Variants in ODF2 observed in about 807,000 individuals in gnomAD.
The protein encoded by ODF2 is outer dense fiber protein 2.
A neutral mutation model predicts 110.2 loss-of-function variants in ODF2; 47 were observed. The ratio of observed to expected loss-of-function variants is 0.43; its 90% CI spans 0.34 to 0.54. The LOEUF is 0.54. Among genes scored for constraint, ODF2 ranks in the 20% least tolerant of loss-of-function variants. The probability of loss-of-function intolerance (pLI) is 0.03; values close to 1 mark genes in which losing one functional copy is unlikely to be tolerated. For synonymous variants in ODF2, 352 were observed against 397.7 expected, an observed-to-expected ratio of 0.89 and a Z score of 1.37; for missense variants, 812 against 1,054.5, an observed-to-expected ratio of 0.77 and a Z score of 3.19.
chr9:128,492,385 C>A, intron 14 of ODF2, 41 bp from the exon 15 acceptor site: 1 of 1,393,464 alleles, frequency 7.2e-7, no homozygotes, highest in Non-Finnish European at 1.0e-6. Flanking sequence ...CCACCTGAAG[C>A]AGAACCTTCC....
chr9:128,466,149 C>CA (rs934730924), intron 4 of ODF2, among the ~76,000 whole-genome samples: 33 of 147,976 alleles, frequency 2.2e-4, no homozygotes, highest in East Asian at 1.0e-3. Context: ...AAAAAAAAAA[C>CA]AAAAAAAACG....
At chr9:128,493,183 A>C (rs1418164434) in intron 16 of ODF2, among the ~76,000 whole-genome samples, 3 of 152,044 alleles carry the variant, frequency 2.0e-5, no homozygotes, top group Non-Finnish European at 4.4e-5. Flanking sequence ...TTGGGAGTTC[A>C]AGACCAGCCT....
intron 9 of ODF2, 41 bp from the exon 10 acceptor site, chr9:128,482,775 G>A: frequency 6.4e-7 from 1 of 1,564,328 alleles, no homozygotes; most frequent in Non-Finnish European, 8.8e-7. Context: ...GGGCCTCTTT[G>A]CCCTTCCCAG....
In ODF2 at chr9:128,485,974, C is replaced by A. The variant is rs1301903094; in HGVS notation, c.1400+500C>A. ...AATTTGCAAGTGACTGAGCTGACAC[C>A]TTTCTTGCCACTGGCGAACTGTGAA... On this transcript the variant is annotated intron_variant, in intron 13 of 20. Coordinates refer to ENST00000604420, the Ensembl canonical transcript of ODF2. This position sits in a 1 kb window ranked among gnomAD's most constrained non-coding sequence, Gnocchi z 5.0. Among the ~76,000 whole-genome samples the A allele has an allele frequency of 1.3e-5, 2 of 152,166 alleles. No individual in the cohort carries two copies. Among genetic ancestry groups the A allele is most frequent in the Non-Finnish European group, 2.9e-5 (2 of 68,026 alleles).
chr9:128,470,048 A>T lies in ODF2; in HGVS notation c.420+695A>T, dbSNP rs982414568. Among the ~76,000 whole-genome samples the T allele has an allele frequency of 1.7e-3, 135 of 81,732 alleles. 1 individual carries two copies. Among genetic ancestry groups the T allele is most frequent in the East Asian group, 3.7e-3 (7 of 1,882 alleles). The allele number at this position is 81,732 out of a possible 152,430, so 53.6% of individuals were successfully genotyped here. ...ATATATATATATATATATATATATA[A>T]ATAAAAAAATTAACAAAAACAAAGC... On this transcript the variant is annotated intron_variant, in intron 5 of 20. Coordinates refer to ENST00000604420, the Ensembl canonical transcript of ODF2.
intron 3 of ODF2, 131 bp from the exon 4 acceptor site, chr9:128,460,811 C>A: frequency 6.6e-7 from 1 of 1,508,966 alleles, no homozygotes; most frequent in Non-Finnish European, 9.1e-7. Flanking sequence ...GGTAGGCAGG[C>A]CTGTCATCCA....
At chr9:128,492,252 T>C (rs1323561225) in intron 14 of ODF2, among the ~76,000 whole-genome samples, 174 bp from the exon 15 acceptor site, 1 of 152,132 alleles carries the variant, frequency 6.6e-6, no homozygotes, top group Non-Finnish European at 1.5e-5. Flanking sequence ...TCTATTCACT[T>C]GAGGTGGTAA....
intron 20 of ODF2, among the ~76,000 whole-genome samples, chr9:128,499,541 C>T (rs1203530615): frequency 6.6e-6 from 1 of 152,120 alleles, no homozygotes; most frequent in East Asian, 1.9e-4. Flanking sequence ...ATGATCTGCC[C>T]ATCATGGCCT....
At chr9:128,473,072 T>G (rs1163137961) in intron 7 of ODF2, 30 bp downstream of exon 7, 1 of 1,613,302 alleles carries the variant, frequency 6.2e-7, no homozygotes, top group East Asian at 2.2e-5. Flanking sequence ...ACCCCAGCCA[T>G]GGAACTGGCC....
chr9:128,477,554 TTA>T (rs773172332), intron 8 of ODF2, among the ~76,000 whole-genome samples: 4 of 151,210 alleles, frequency 2.6e-5, no homozygotes, highest in African/African-American at 7.3e-5. Context: ...CCCCAAAAAA[TTA>T]TATATATATA....
chr9:128,483,580 CAAAAA>C (rs146802585), intron 10 of ODF2, among the ~76,000 whole-genome samples: 2 of 107,274 alleles, frequency 1.9e-5, no homozygotes, highest in Non-Finnish European at 3.9e-5. Flanking sequence ...TACCCTGTCT[CAAAAA>C]AAAAAAAAAA....
At position 128,480,765 on chromosome 9, in the gene ODF2, C is replaced by T. The variant is rs146824006; in HGVS notation, c.844-815C>T. ...CTGGGAGGCAGAGGTTGCAGTGAGC[C>T]GAGATCGTGCCATCGCACTCCAGCC... On this transcript the variant is annotated intron_variant, in intron 8 of 20. Coordinates refer to ENST00000604420, the Ensembl canonical transcript of ODF2. 3.0e-3 allele frequency among the ~76,000 whole-genome samples: 460 copies of T among 152,104 alleles called. 2 individuals carry two copies. Among genetic ancestry groups the T allele is most frequent in the African/African-American group, 0.01 (429 of 41,476 alleles).
chr9:128,487,937 T>C (rs1280541270), exon 14 of ODF2: 2 of 1,614,134 alleles, frequency 1.2e-6, no homozygotes, highest in East Asian at 2.2e-5. Context: ...GAGGAGAAGA[T>C]GCGGGAAGAC....
chr9:128,498,549 A>G (rs377143680), exon 19 of ODF2: 6 of 1,606,268 alleles, frequency 3.7e-6, no homozygotes, highest in South Asian at 2.2e-5. Context: ...GCAGTTGGAG[A>G]GTGCCATTGA....
chr9:128,466,597 C>T (rs886769699), intron 4 of ODF2, among the ~76,000 whole-genome samples: 1 of 151,438 alleles, frequency 6.6e-6, no homozygotes, highest in African/African-American at 2.4e-5. Flanking sequence ...TGGCTTTTGT[C>T]TATGTCACTC....
chr9:128,467,301 T>C (rs1331933755), intron 4 of ODF2, among the ~76,000 whole-genome samples: 1 of 151,704 alleles, frequency 6.6e-6, no homozygotes, highest in Non-Finnish European at 1.5e-5. Flanking sequence ...ATAGTAAATA[T>C]AGAAAAGGTA....
chr9:128,494,409 C>A lies in ODF2; in HGVS notation c.1753-101C>A, dbSNP rs1845227720. The stretch of plus-strand genomic sequence containing the variant: ...GATCCTCCACTGGGGACTGTGTCAG[C>A]CCTGCCCTAACTCTAAAGGACTCTG... On this transcript the variant is annotated intron_variant, in intron 16 of 20. Coordinates refer to ENST00000604420, the Ensembl canonical transcript of ODF2. This position sits in a 1 kb window ranked among gnomAD's most constrained non-coding sequence, Gnocchi z 4.6. 1.9e-6 allele frequency: 2 copies of A among 1,043,464 alleles called. No individual in the cohort carries two copies. The allele number at this position is 1,043,464 out of a possible 1,614,324, so 64.6% of individuals were successfully genotyped here. A position where few individuals can be genotyped will look rare whatever the true frequency, so the allele number is the denominator to read the frequency against.
exon 11 of ODF2, chr9:128,483,979 G>C (rs1396346944): frequency 6.2e-7 from 1 of 1,613,892 alleles, no homozygotes; most frequent in East Asian, 2.2e-5. Context: ...AATCCATGGA[G>C]TCCATGCGTG....
chr9:128,468,859 G>T, intron 4 of ODF2: 1 of 257,552 alleles, frequency 3.9e-6, no homozygotes, highest in Non-Finnish European at 7.3e-6. Context: ...ACAAGGTCTC[G>T]CTATGTTGCT....
Sources: gnomAD v4.1 joint callset for allele counts (sites outside exome capture counted in the v4.1 genomes callset) on GRCh38, gnomAD v4.1.1 for gene constraint, Gnocchi (gnomAD v3.1) non-coding constraint, MANE v1.5 for transcripts, NCBI Gene and HGNC (gene_info 2026-07-23, HGNC 2026-07-21) for gene names.